Variants in ALDH1L1 observed in about 807,000 individuals in gnomAD.
ALDH1L1 encodes cytosolic 10-formyltetrahydrofolate dehydrogenase.
In ALDH1L1, 68 loss-of-function variants were observed where a neutral mutation model predicts 101.1. The observed-to-expected ratio is 0.67, with a 90% CI of 0.55 to 0.82. The LOEUF is 0.82. Among genes scored for constraint, ALDH1L1 ranks in the 40% least tolerant of loss-of-function variants. The pLI is 0.00. For synonymous variants in ALDH1L1, 486 were observed against 470.8 expected (o/e 1.03, Z -0.42); for missense variants, 1,087 against 1,172.7 (o/e 0.93, Z 1.07).
At chr3:126,193,813 C>A (rs1363742764) in intron 1 of ALDH1L1, among the ~76,000 whole-genome samples, 1 of 152,188 alleles carries the variant, frequency 6.6e-6, no homozygotes, top group African/African-American at 2.4e-5. Context: ...GGCTGATTTA[C>A]TGTGAAAATC....
At chr3:126,118,764 T>C (rs2080024162) in intron 16 of ALDH1L1, among the ~76,000 whole-genome samples, 1 of 152,056 alleles carries the variant, frequency 6.6e-6, no homozygotes, top group Non-Finnish European at 1.5e-5. Context: ...CTAAGCATCA[T>C]AGACTCCAAA....
At chr3:126,154,514 C>G in intron 6 of ALDH1L1, 40 bp downstream of exon 6, 1 of 1,586,588 alleles carries the variant, frequency 6.3e-7, no homozygotes, top group Non-Finnish European at 8.7e-7. Context: ...GTGGGATACA[C>G]CAATGCACGT....
intron 16 of ALDH1L1, among the ~76,000 whole-genome samples, chr3:126,122,354 T>C (rs540373415): frequency 4.5e-4 from 69 of 152,322 alleles, no homozygotes; most frequent in African/African-American, 1.4e-3. Flanking sequence ...AATGATTATA[T>C]ACATAATTGT....
intron 12 of ALDH1L1, among the ~76,000 whole-genome samples, chr3:126,132,128 G>A (rs933259309): frequency 2.0e-5 from 3 of 152,244 alleles, no homozygotes; most frequent in Admixed American, 2.0e-4. Context: ...CCTTGATTCT[G>A]ACGGATGTGC....
upstream of ALDH1L1, chr3:126,181,205 A>G: frequency 1.6e-6 from 1 of 610,250 alleles, no homozygotes; most frequent in Non-Finnish European, 2.9e-6. Context: ...CCTGGTTCCC[A>G]GAGATCCTGG....
At chr3:126,140,918 CTTTA>C (rs143189634) in intron 9 of ALDH1L1, among the ~76,000 whole-genome samples, 2,218 of 152,036 alleles carry the variant, frequency 0.015, 60 homozygotes, top group African/African-American at 0.05. Context: ...AGAAATAAAT[CTTTA>C]TTTATTAGTA....
At chr3:126,107,590 C>G (rs1945926883) in intron 20 of ALDH1L1, among the ~76,000 whole-genome samples, 1 of 152,260 alleles carries the variant, frequency 6.6e-6, no homozygotes, top group Non-Finnish European at 1.5e-5. Context: ...GACAGCTAAT[C>G]TAAAACCACC....
At position 126,153,478 on chromosome 3, in the gene ALDH1L1, G is replaced by A. The variant is rs1239524524; in HGVS notation, c.824C>T (p.Ala275Val). ...GAHRPGVVTK[A>V]GLILFGNDDK... ...ATCATTCCCAAAGAGGATGAGTCCT[G>A]CTTTGGTGACCACCCCTGGCCGATG... is the stretch of plus-strand genomic sequence containing the variant. Residue 275 changes from alanine to valine, a missense_variant, in exon 7 of 23, where the codon GCA becomes GTA. Around this residue, in one of 2 missense-constraint regions of ALDH1L1, gnomAD observed 645 missense variants for 637.0 expected, o/e 1.01. Transcript: ENST00000393434. 3.1e-6 allele frequency: 5 copies of A among 1,614,034 alleles called. No individual in the cohort carries two copies. The highest frequency in any genetic ancestry group is 1.6e-4 in the Middle Eastern group (1 of 6,084).
intron 2 of ALDH1L1, chr3:126,159,483 G>C: frequency 2.2e-6 from 1 of 456,720 alleles, no homozygotes; most frequent in Non-Finnish European, 4.4e-6. Context: ...TCAGTTCTCT[G>C]TTAGAGCCTC....
intron 17 of ALDH1L1, among the ~76,000 whole-genome samples, chr3:126,115,693 G>C (rs927706354): frequency 4.6e-5 from 7 of 152,030 alleles, no homozygotes; most frequent in Admixed American, 6.5e-5. Flanking sequence ...TTCTACCTCA[G>C]CCTCCCGAGT....
At chr3:126,123,260 T>C (rs999697934) in intron 16 of ALDH1L1, among the ~76,000 whole-genome samples, 4 of 24,826 alleles carry the variant, frequency 1.6e-4, no homozygotes, top group Non-Finnish European at 2.6e-4. Context: ...CAAAACTCTT[T>C]TTTTTTTTTT....
chr3:126,128,379 A>C (rs1330292791), intron 14 of ALDH1L1: 1 of 152,234 alleles, frequency 6.6e-6, no homozygotes, highest in Admixed American at 6.5e-5. Context: ...TCACCCATCC[A>C]AACAACTCAG....
chr3:126,156,762 C>T (rs1030140777), intron 4 of ALDH1L1: 2 of 152,260 alleles, frequency 1.3e-5, no homozygotes, highest in Non-Finnish European at 2.9e-5. Flanking sequence ...AGCACTCCAT[C>T]ACCCCAGCTG....
chr3:126,161,708 C>T (rs1048302464), intron 1 of ALDH1L1, among the ~76,000 whole-genome samples: 1 of 151,400 alleles, frequency 6.6e-6, no homozygotes, highest in African/African-American at 2.4e-5. Context: ...TGTCCTTTTA[C>T]GAAAATAAGA....
intron 22 of ALDH1L1, 103 bp from the exon 23 acceptor site, chr3:126,103,949 G>T: frequency 2.3e-6 from 3 of 1,313,296 alleles, no homozygotes; most frequent in Non-Finnish European, 2.1e-6. Flanking sequence ...GGCAGCTCTG[G>T]CTCACCCCAC....
intron 17 of ALDH1L1, among the ~76,000 whole-genome samples, chr3:126,117,503 A>T (rs2079994619): frequency 6.6e-6 from 1 of 151,688 alleles, no homozygotes; most frequent in Non-Finnish European, 1.5e-5. Context: ...AAAAACACAA[A>T]AAATTAGCTG....
chr3:126,103,642 A>G lies in ALDH1L1; in HGVS notation c.*149T>C. 4 of 783,556 alleles carry G rather than the reference A, an allele frequency of 5.1e-6. No individual in the cohort carries two copies. The highest frequency in any genetic ancestry group is 8.3e-6 in the Non-Finnish European group (4 of 481,014). The allele number at this position is 783,556 out of a possible 1,614,324, so 48.5% of individuals were successfully genotyped here. On this transcript the variant is annotated 3_prime_UTR_variant, in exon 23 of 23. Transcript: ENST00000393434. ...AGCCAAGGGCTGCTTCTGACTGGAC[A>G]GAGGGCGTCCAAGATGCAGACATGG...
At chr3:126,162,962 T>C (rs13093423) in intron 1 of ALDH1L1, among the ~76,000 whole-genome samples, 96,807 of 151,666 alleles carry the variant, frequency 0.64, 30,915 homozygotes, top group Middle Eastern at 0.66. Context: ...AAAAGGATCA[T>C]ACATGTACAC....
At position 126,118,117 on chromosome 3, in the gene ALDH1L1, G is replaced by C; in HGVS notation, c.1889-19C>G. 2 of 1,598,826 alleles carry C rather than the reference G, an allele frequency of 1.3e-6. No individual in the cohort carries two copies. The highest frequency in any genetic ancestry group is 1.7e-6 in the Non-Finnish European group (2 of 1,168,606). On this transcript the variant is annotated intron_variant, in intron 16 of 22. Transcript: ENST00000393434. ...AGGGAGCCTGTGGGCGGGAGGGAGG[G>C]GGGAATCAGAGTGGTCCCCCTGGTG...
Sources: gnomAD v4.1 joint callset for allele counts (sites outside exome capture counted in the v4.1 genomes callset) on GRCh38, gnomAD v4.1.1 for gene constraint, gnomAD v4.1.1 regional missense constraint, MANE v1.5 for transcripts, NCBI Gene and HGNC (gene_info 2026-07-23, HGNC 2026-07-21) for gene names.